KIAA0825: variants seen among roughly 807,000 people sequenced by gnomAD.
The protein encoded by KIAA0825 is KIAA0825.
KIAA0825 carries 119 observed loss-of-function variants against 147.6 expected under a neutral mutation model. That is an observed-to-expected ratio of 0.81 (90% CI 0.69 to 0.94). The LOEUF (loss-of-function observed/expected upper bound fraction) is 0.94. Ranked by LOEUF, KIAA0825 falls within the 40% of genes least tolerant of loss-of-function variation. The pLI is 0.00. For missense variants in KIAA0825, 1,381 were observed against 1,472.7 expected (o/e 0.94, Z 1.02); for synonymous variants, 470 against 518.1 (o/e 0.91, Z 1.26).
chr5:94,511,817 G>T (rs1037762556), intron 5 of KIAA0825, among the ~76,000 whole-genome samples: 1 of 151,292 alleles, frequency 6.6e-6, no homozygotes, highest in Non-Finnish European at 1.5e-5. Context: ...ATGAAACCTT[G>T]TCTCTACTAA....
At chr5:94,456,580 T>G (rs1028268592) in intron 12 of KIAA0825, among the ~76,000 whole-genome samples, 1 of 152,218 alleles carries the variant, frequency 6.6e-6, no homozygotes, top group East Asian at 1.9e-4. Context: ...TGGGCTTATA[T>G]CCTTAACATG....
intron 20 of KIAA0825, among the ~76,000 whole-genome samples, chr5:94,180,707 T>C (rs1351261387): frequency 6.6e-6 from 1 of 152,162 alleles, no homozygotes; most frequent in African/African-American, 2.4e-5. Context: ...TAACCTGCTT[T>C]ATTTTTTATC....
intron 20 of KIAA0825, among the ~76,000 whole-genome samples, chr5:94,236,016 C>G (rs544700190): frequency 6.6e-6 from 1 of 152,306 alleles, no homozygotes; most frequent in Admixed American, 6.5e-5. Flanking sequence ...CAAGGAGATT[C>G]ATGTTGTTTT....
intron 20 of KIAA0825, among the ~76,000 whole-genome samples, chr5:94,348,515 C>A (rs1003687567): frequency 3.9e-5 from 6 of 152,142 alleles, no homozygotes; most frequent in African/African-American, 1.2e-4. Flanking sequence ...CAAAACAATT[C>A]TCAGCCAAGA....
chr5:94,462,623 G>T, intron 11 of KIAA0825, 54 bp from the exon 12 acceptor site: 1 of 1,073,912 alleles, frequency 9.3e-7, no homozygotes, highest in Non-Finnish European at 1.3e-6. Context: ...GTCTCTGCTT[G>T]GTAGGCACTT....
chr5:94,255,707 C>CTT (rs57646287), intron 20 of KIAA0825, among the ~76,000 whole-genome samples: 8,518 of 47,842 alleles, frequency 0.18, 3,455 homozygotes, highest in Non-Finnish European at 0.21. Flanking sequence ...AGAATTATGG[C>CTT]TTTTTTTTTT....
intron 20 of KIAA0825, among the ~76,000 whole-genome samples, chr5:94,361,674 T>C (rs1335908657): frequency 6.6e-6 from 1 of 152,194 alleles, no homozygotes; most frequent in African/African-American, 2.4e-5. Flanking sequence ...TATATGTACA[T>C]ACTCTTGCTG....
At chr5:94,343,149 A>G (rs924707213) in intron 20 of KIAA0825, among the ~76,000 whole-genome samples, 1 of 152,224 alleles carries the variant, frequency 6.6e-6, no homozygotes, top group African/African-American at 2.4e-5. Context: ...ATCAATTGAT[A>G]TCTTATGAAG....
intron 6 of KIAA0825, among the ~76,000 whole-genome samples, chr5:94,484,315 T>C (rs1762803170): frequency 6.6e-6 from 1 of 151,768 alleles, no homozygotes; most frequent in African/African-American, 2.4e-5. Flanking sequence ...ATCTGAAGCA[T>C]CTAATCCTGA....
At chr5:94,220,382 G>T (rs1453939706) in intron 20 of KIAA0825, among the ~76,000 whole-genome samples, 2 of 152,006 alleles carry the variant, frequency 1.3e-5, no homozygotes, top group African/African-American at 2.4e-5. Context: ...TAATAAGTAG[G>T]AGTACACTAT....
chr5:94,337,103 C>T (rs559400666), intron 20 of KIAA0825, among the ~76,000 whole-genome samples: 27 of 152,068 alleles, frequency 1.8e-4, no homozygotes, highest in Admixed American at 1.2e-3. Context: ...AGAGCAGATC[C>T]GTGGTTCTTT....
At position 94,557,327 on chromosome 5, in the gene KIAA0825, T is replaced by C. The variant is rs551221268; in HGVS notation, c.-1-20200A>G. On this transcript the variant is annotated intron_variant, in intron 2 of 20. Coordinates refer to ENST00000682413, the MANE Select transcript of KIAA0825 (RefSeq NM_001145678.3). ...CATGTTGCCCAGGCTGCTTTCAAAC[T>C]CTTGGGCTCAAGCAATCCACATGAC... Among the ~76,000 whole-genome samples, 126 of 152,082 alleles carry C rather than the reference T, an allele frequency of 8.3e-4. 2 individuals are homozygous for C. The highest frequency in any genetic ancestry group is 1.7e-3 in the Non-Finnish European group (113 of 67,974).
At chr5:94,366,930 C>T (rs1328714970) in intron 20 of KIAA0825, among the ~76,000 whole-genome samples, 6 of 152,070 alleles carry the variant, frequency 3.9e-5, no homozygotes, top group Admixed American at 3.3e-4. Flanking sequence ...CTGTGTTTGA[C>T]CTGATTGGCT....
chr5:94,512,295 T>C (rs1766598139), intron 5 of KIAA0825, among the ~76,000 whole-genome samples: 1 of 152,060 alleles, frequency 6.6e-6, no homozygotes, highest in Non-Finnish European at 1.5e-5. Flanking sequence ...AGAAGTCACA[T>C]ATCACTTTTT....
chr5:94,474,298 T>G (rs571727315), intron 7 of KIAA0825, among the ~76,000 whole-genome samples: 3 of 152,278 alleles, frequency 2.0e-5, no homozygotes, highest in Admixed American at 2.0e-4. Context: ...TCTCCAGGTC[T>G]CCTAACATTC....
chr5:94,248,206 C>A lies in KIAA0825; in HGVS notation c.3711-94082G>T, dbSNP rs927000299. On this transcript the variant is annotated intron_variant, in intron 20 of 20. Coordinates refer to ENST00000682413, the MANE Select transcript of KIAA0825 (RefSeq NM_001145678.3). ...GACAATGATTACTTAGAACCAGCAA[C>A]CTTCCCAAAGATACATTAAGAAGCA... Among the ~76,000 whole-genome samples, 22 of 152,208 alleles carry A rather than the reference C, an allele frequency of 1.4e-4. 1 individual carries two copies. The highest frequency in any genetic ancestry group is 5.3e-4 in the African/African-American group (22 of 41,550).
chr5:94,415,816 C>T (rs1163010723), intron 15 of KIAA0825: 4 of 152,134 alleles, frequency 2.6e-5, no homozygotes, highest in Non-Finnish European at 5.9e-5. Context: ...CCTAGCAGCA[C>T]CTGAAATCCA....
chr5:94,519,793 C>A, intron 5 of KIAA0825: 2 of 818,818 alleles, frequency 2.4e-6, no homozygotes, highest in Non-Finnish European at 2.9e-6. Context: ...TTGGAAGATA[C>A]AATGGATTAA....
chr5:94,544,772 T>C (rs1444262334), intron 2 of KIAA0825, among the ~76,000 whole-genome samples: 1 of 152,138 alleles, frequency 6.6e-6, no homozygotes, highest in Non-Finnish European at 1.5e-5. Flanking sequence ...CTGAAATTGA[T>C]GTACAGAGTG....
Sources: allele counts gnomAD v4.1 joint callset (sites outside exome capture counted in the v4.1 genomes callset), GRCh38; gene constraint gnomAD v4.1.1; transcripts MANE v1.5; gene names NCBI Gene and HGNC (gene_info 2026-07-23, HGNC 2026-07-21).